Variants in CSTPP1 observed in about 807,000 individuals in gnomAD.
CSTPP1 encodes centriolar satellite-associated tubulin polyglutamylase complex regulator 1, also known as UPF0705 protein C11orf49.
the CSTPP1 span, among the ~76,000 whole-genome samples, chr11:47,070,207 G>C: frequency 1.3e-5 from 2 of 152,062 alleles, no homozygotes; most frequent in South Asian, 4.1e-4. Flanking sequence ...CTGATCTGCA[G>C]CCTGGGCAAC....
At chr11:47,030,631 T>TA in the CSTPP1 span, among the ~76,000 whole-genome samples, 2 of 152,166 alleles carry the variant, frequency 1.3e-5, no homozygotes, top group Non-Finnish European at 2.9e-5. Flanking sequence ...GTATTAAGCC[T>TA]AGTACCCATT....
the CSTPP1 span, among the ~76,000 whole-genome samples, chr11:47,033,095 G>A: frequency 6.6e-6 from 1 of 152,192 alleles, no homozygotes; most frequent in East Asian, 1.9e-4. Flanking sequence ...TTGATGTTAA[G>A]TGGCTGAGGA....
At chr11:46,987,283 A>G in the CSTPP1 span, 9 of 1,614,180 alleles carry the variant, frequency 5.6e-6, no homozygotes, top group South Asian at 4.4e-5. Flanking sequence ...ATTAGCCAAT[A>G]TGGAATTGCC....
the CSTPP1 span, chr11:46,936,710 C>G: frequency 1.9e-5 from 29 of 1,555,758 alleles, no homozygotes; most frequent in Non-Finnish European, 2.4e-5. Context: ...CTCCCGTCCC[C>G]CTTCCGCCGC....
the CSTPP1 span, among the ~76,000 whole-genome samples, chr11:47,115,487 A>C: frequency 1.3e-5 from 2 of 152,044 alleles, no homozygotes; most frequent in African/African-American, 2.4e-5. Context: ...TTATTTCCTT[A>C]ATTTCAGAGC....
At chr11:46,976,569 G>A in the CSTPP1 span, among the ~76,000 whole-genome samples, 5 of 152,094 alleles carry the variant, frequency 3.3e-5, no homozygotes, top group Non-Finnish European at 7.4e-5. Flanking sequence ...TATAAAATAA[G>A]GATAAAAGTA....
At chr11:47,065,725 T>TA in the CSTPP1 span, among the ~76,000 whole-genome samples, 4 of 151,954 alleles carry the variant, frequency 2.6e-5, no homozygotes, top group Non-Finnish European at 5.9e-5. Flanking sequence ...TGTTAATTTA[T>TA]AAAAATATAA....
chr11:47,003,445 A>T, the CSTPP1 span, among the ~76,000 whole-genome samples: 1 of 152,192 alleles, frequency 6.6e-6, no homozygotes, highest in Non-Finnish European at 1.5e-5. Flanking sequence ...TGAAAGTCAA[A>T]TGAAGCTTCA....
the CSTPP1 span, chr11:46,987,317 A>G: frequency 6.2e-7 from 1 of 1,610,242 alleles, no homozygotes; most frequent in Non-Finnish European, 8.5e-7. Context: ...AATAGTAAGT[A>G]CATGAATGTT....
chr11:46,969,954 A>T, the CSTPP1 span, among the ~76,000 whole-genome samples: 1 of 152,172 alleles, frequency 6.6e-6, no homozygotes, highest in Admixed American at 6.5e-5. Context: ...TTTAGTACAG[A>T]CATGGTTTCG....
At chr11:47,158,085 ACATGGCTCTTACACATTCC>A in the CSTPP1 span, 1 of 640,312 alleles carries the variant, frequency 1.6e-6, no homozygotes. Flanking sequence ...TGGCGACAAA[ACATGGCTCTTACACATTCC>A]CATGGTAGGG....
the CSTPP1 span, among the ~76,000 whole-genome samples, chr11:47,009,029 TA>T: frequency 0.011 from 1,509 of 135,968 alleles, 2 homozygotes; most frequent in African/African-American, 0.018. Flanking sequence ...AGACTCCATC[TA>T]AAAAAAAAAA....
the CSTPP1 span, among the ~76,000 whole-genome samples, chr11:47,026,647 G>C: frequency 2.6e-5 from 4 of 152,192 alleles, no homozygotes; most frequent in Admixed American, 6.5e-5. Flanking sequence ...GGAGGCCGAG[G>C]TGGGTGGATC....
chr11:47,064,884 A>G, the CSTPP1 span, among the ~76,000 whole-genome samples: 2 of 152,118 alleles, frequency 1.3e-5, no homozygotes, highest in Non-Finnish European at 2.9e-5. Context: ...AGCTGGGATT[A>G]CAGGCACATG....
At chr11:46,955,661 G>A in the CSTPP1 span, among the ~76,000 whole-genome samples, 2 of 151,896 alleles carry the variant, frequency 1.3e-5, no homozygotes, top group African/African-American at 2.4e-5. Context: ...CTGCGCCCAG[G>A]CTACAGCAGT....
the CSTPP1 span, among the ~76,000 whole-genome samples, chr11:47,070,917 A>C: frequency 6.6e-6 from 1 of 152,120 alleles, no homozygotes; most frequent in African/African-American, 2.4e-5. Flanking sequence ...CTCTGGCCAC[A>C]CAGAAACACT....
chr11:47,034,223 C>T, the CSTPP1 span, among the ~76,000 whole-genome samples: 1 of 152,046 alleles, frequency 6.6e-6, no homozygotes, highest in Non-Finnish European at 1.5e-5. Context: ...TTCTCATTAT[C>T]CAGGGCTTCT....
At chr11:46,997,444 T>G in the CSTPP1 span, among the ~76,000 whole-genome samples, 3 of 152,202 alleles carry the variant, frequency 2.0e-5, no homozygotes, top group African/African-American at 7.2e-5. Flanking sequence ...GTTATTCTAG[T>G]TAGCCATTCG....
chr11:47,031,512 C>T, the CSTPP1 span, among the ~76,000 whole-genome samples: 3 of 151,880 alleles, frequency 2.0e-5, no homozygotes, highest in South Asian at 2.1e-4. Flanking sequence ...GGCAACATAA[C>T]GAGACTCTGT....
Sources: allele counts gnomAD v4.1 joint callset (sites outside exome capture counted in the v4.1 genomes callset), GRCh38; gene constraint gnomAD v4.1.1; transcripts MANE v1.5; gene names NCBI Gene and HGNC (gene_info 2026-07-23, HGNC 2026-07-21).